Variants in GRIA4 observed in about 807,000 individuals in gnomAD.
GRIA4 encodes glutamate ionotropic receptor AMPA type subunit 4, also known as glutamate receptor 4.
GRIA4 carries 34 observed loss-of-function variants against 104.0 expected under a neutral mutation model. That is an observed-to-expected ratio of 0.33 (90% confidence interval 0.25 to 0.44). The LOEUF (loss-of-function observed/expected upper bound fraction) is 0.44. GRIA4 is among the 20% of genes least tolerant of loss of function. GRIA4 has a pLI of 1.00. For missense variants in GRIA4, 750 were observed against 1,096.5 expected (o/e 0.68, Z 4.46); for synonymous variants, 386 against 381.9 (o/e 1.01, Z -0.13).
At chr11:105,655,589 T>C (rs1055291638) in intron 3 of GRIA4, among the ~76,000 whole-genome samples, 1 of 152,096 alleles carries the variant, frequency 6.6e-6, no homozygotes, top group Non-Finnish European at 1.5e-5. Context: ...TGGTGTTTGG[T>C]TTTCTATTCC....
chr11:105,654,854 T>C (rs1364934967), intron 3 of GRIA4, among the ~76,000 whole-genome samples: 1 of 152,084 alleles, frequency 6.6e-6, no homozygotes, highest in Non-Finnish European at 1.5e-5. Flanking sequence ...GTGAAGTTGG[T>C]CTTCATGTTT....
chr11:105,775,740 G>C (rs1941419203), intron 4 of GRIA4, among the ~76,000 whole-genome samples: 1 of 151,888 alleles, frequency 6.6e-6, no homozygotes, highest in African/African-American at 2.4e-5. Context: ...ATATTAAATA[G>C]TTAAAAAGGT....
chr11:105,923,035 G>A (rs1383372941), intron 11 of GRIA4, among the ~76,000 whole-genome samples: 2 of 151,994 alleles, frequency 1.3e-5, no homozygotes, highest in Admixed American at 1.3e-4. Flanking sequence ...CCAGGGAGAC[G>A]TGACTAAAAC....
chr11:105,621,419 T>C (rs185486616), intron 3 of GRIA4, among the ~76,000 whole-genome samples: 28 of 151,608 alleles, frequency 1.8e-4, no homozygotes, highest in African/African-American at 6.5e-4. Flanking sequence ...GAAACAGATA[T>C]TACTCTAAAC....
intron 4 of GRIA4, among the ~76,000 whole-genome samples, chr11:105,757,444 G>C (rs1004425875): frequency 1.6e-4 from 24 of 152,218 alleles, no homozygotes; most frequent in African/African-American, 5.1e-4. Context: ...ACTAAAACAA[G>C]GGTAGTCAAA....
chr11:105,825,128 A>G (rs1021913135), intron 4 of GRIA4, among the ~76,000 whole-genome samples: 22 of 152,084 alleles, frequency 1.4e-4, no homozygotes, highest in African/African-American at 4.8e-4. Flanking sequence ...AGCTAGGCCA[A>G]TGGAAATCAC....
chr11:105,746,518 C>A (rs971797607), intron 3 of GRIA4, among the ~76,000 whole-genome samples: 3 of 151,600 alleles, frequency 2.0e-5, no homozygotes, highest in Admixed American at 6.6e-5. Flanking sequence ...AATGAAATTT[C>A]TGCACTATCA....
intron 4 of GRIA4, among the ~76,000 whole-genome samples, chr11:105,826,885 C>T (rs1943789373): frequency 6.6e-6 from 1 of 152,008 alleles, no homozygotes; most frequent in Non-Finnish European, 1.5e-5. Flanking sequence ...ATTTCCTATT[C>T]TTTGGTCAGC....
chr11:105,941,113 T>C (rs903531662), intron 14 of GRIA4, among the ~76,000 whole-genome samples: 3 of 152,318 alleles, frequency 2.0e-5, no homozygotes, highest in Middle Eastern at 3.4e-3. Context: ...ACCCTAGTCC[T>C]GAGCCTTCTC....
chr11:105,873,854 C>T (rs1438222038), intron 5 of GRIA4, among the ~76,000 whole-genome samples: 2 of 152,080 alleles, frequency 1.3e-5, no homozygotes, highest in East Asian at 3.9e-4. Flanking sequence ...AATTTTCTCC[C>T]ATTCTGTAGG....
chr11:105,712,877 C>G (rs898965971), intron 3 of GRIA4, among the ~76,000 whole-genome samples: 1 of 151,738 alleles, frequency 6.6e-6, no homozygotes, highest in Non-Finnish European at 1.5e-5. Context: ...ATATAAAGAG[C>G]TCAGCAAAAA....
At chr11:105,679,803 G>C (rs1952653554) in intron 3 of GRIA4, among the ~76,000 whole-genome samples, 1 of 152,076 alleles carries the variant, frequency 6.6e-6, no homozygotes, top group Admixed American at 6.6e-5. Flanking sequence ...ACTACACATT[G>C]TGCATTGCCT....
chr11:105,763,100 G>C (rs2135721189), intron 4 of GRIA4, among the ~76,000 whole-genome samples: 1 of 152,268 alleles, frequency 6.6e-6, no homozygotes, highest in Admixed American at 6.5e-5. Flanking sequence ...TAAATATTAG[G>C]TTCAAAGGAG....
At chr11:105,768,313 A>C (rs1262761912) in intron 4 of GRIA4, among the ~76,000 whole-genome samples, 2 of 152,138 alleles carry the variant, frequency 1.3e-5, no homozygotes, top group South Asian at 4.1e-4. Flanking sequence ...CTAAAAAAAA[A>C]CATCTGTGTA....
At chr11:105,822,362 T>C (rs1373240510) in intron 4 of GRIA4, among the ~76,000 whole-genome samples, 1 of 152,042 alleles carries the variant, frequency 6.6e-6, no homozygotes, top group African/African-American at 2.4e-5. Flanking sequence ...AACAGAATTA[T>C]GAGGGGGGAA....
chr11:105,884,362 T>C (rs1420598589), intron 5 of GRIA4, among the ~76,000 whole-genome samples: 1 of 152,240 alleles, frequency 6.6e-6, no homozygotes, highest in Middle Eastern at 3.2e-3. Context: ...GAAGATACTC[T>C]TCACTTTTGT....
chr11:105,848,159 T>A lies in GRIA4; in HGVS notation c.488-13865T>A, dbSNP rs560062616. On this transcript the variant is annotated intron_variant, in intron 4 of 16. Transcript: ENST00000282499. ...AGCATAATGGAGAACATTTGCTTATTATTTGTTAAAAAAATAGCCTTTGTC... is the reference window on the plus strand; with the variant it reads ...AGCATAATGGAGAACATTTGCTTATAATTTGTTAAAAAAATAGCCTTTGTC... Among the ~76,000 whole-genome samples, 3 of 152,332 alleles carry A rather than the reference T, an allele frequency of 2.0e-5. No homozygotes were observed. In the South Asian group the frequency reaches 6.2e-4, roughly 32 times the overall value.
chr11:105,969,255 C>A (rs1164749255), intron 14 of GRIA4, among the ~76,000 whole-genome samples: 1 of 151,734 alleles, frequency 6.6e-6, no homozygotes, highest in Non-Finnish European at 1.5e-5. Flanking sequence ...GGAATTAGTA[C>A]AGAAAATATG....
intron 14 of GRIA4, among the ~76,000 whole-genome samples, chr11:105,955,127 T>G (rs1372839162): frequency 1.3e-5 from 2 of 152,098 alleles, no homozygotes; most frequent in Admixed American, 6.6e-5. Context: ...TTTTTGGTTT[T>G]TAATTCTTTT....
Sources: gnomAD v4.1 joint callset for allele counts (sites outside exome capture counted in the v4.1 genomes callset) on GRCh38, gnomAD v4.1.1 for gene constraint, MANE v1.5 for transcripts, NCBI Gene and HGNC (gene_info 2026-07-23, HGNC 2026-07-21) for gene names.